SLC24A2: variants seen among roughly 807,000 people sequenced by gnomAD.
The protein encoded by SLC24A2 is solute carrier family 24 member 2, also known as sodium/potassium/calcium exchanger 2.
A neutral mutation model predicts 62.0 loss-of-function variants in SLC24A2; 36 were observed. That is an observed-to-expected ratio of 0.58 (90% CI 0.44 to 0.77). SLC24A2 has a LOEUF of 0.77. SLC24A2 is among the 30% of genes least tolerant of loss of function. The pLI, the probability that SLC24A2 is intolerant of heterozygous loss-of-function variation, is 0.00. For missense variants in SLC24A2, 846 were observed against 817.9 expected (o/e 1.03, Z -0.42); for synonymous variants, 358 against 294.0 (o/e 1.22, Z -2.23).
Position 19,764,498 on chromosome 9 carries a change from T to C in SLC24A2, c.930+21439A>G, listed in dbSNP as rs972071138. Among the ~76,000 whole-genome samples the C allele has an allele frequency of 5.3e-5, 8 of 152,266 alleles. No individual in the cohort carries two copies. In the East Asian group the frequency reaches 1.5e-3, roughly 29 times the overall value. ...CTGTGTCCCAGAGATTCTGGTACAT[T>C]GTGTCTTTGTTCTCATTGGTTTCAA... On this transcript the variant is annotated intron_variant, in intron 2 of 10. Coordinates refer to ENST00000341998, the MANE Select transcript of SLC24A2 (RefSeq NM_020344.4).
chr9:20,244,137 T>C, the SLC24A2 span, among the ~76,000 whole-genome samples: 1 of 152,224 alleles, frequency 6.6e-6, no homozygotes, highest in African/African-American at 2.4e-5. Context: ...CCAAGGAGCA[T>C]CTCTGACTCT....
chr9:20,197,427 CTTTTTT>C, the SLC24A2 span, among the ~76,000 whole-genome samples: 2 of 93,160 alleles, frequency 2.1e-5, no homozygotes, highest in Non-Finnish European at 2.0e-5. Context: ...CTCTCTCTCT[CTTTTTT>C]TTTTTTTTTT....
chr9:20,242,074 C>A, the SLC24A2 span, among the ~76,000 whole-genome samples: 8 of 152,202 alleles, frequency 5.3e-5, no homozygotes, highest in African/African-American at 1.7e-4. Context: ...TATGGACTAA[C>A]GCGCCAGCAG....
At chr9:19,770,313 C>T (rs549049826) in intron 2 of SLC24A2, among the ~76,000 whole-genome samples, 39 of 151,862 alleles carry the variant, frequency 2.6e-4, no homozygotes, top group African/African-American at 5.3e-4. Context: ...TCTGGATTAA[C>T]GGAAGTTTAT....
Position 19,718,458 on chromosome 9 carries a change from ATTTTT to A in SLC24A2, c.930+67474_930+67478del, listed in dbSNP as rs58736549. Among the ~76,000 whole-genome samples, 7 of 99,780 alleles carry A rather than the reference ATTTTT, an allele frequency of 7.0e-5. No homozygotes were observed. In the East Asian group the frequency reaches 8.0e-4, roughly 11 times the overall value. The allele number at this position is 99,780 out of a possible 152,430, so 65.5% of individuals were successfully genotyped here. A position where few individuals can be genotyped will look rare whatever the true frequency, so the allele number is the denominator to read the frequency against. On this transcript the variant is annotated intron_variant, in intron 2 of 10. Coordinates refer to ENST00000341998, the MANE Select transcript of SLC24A2 (RefSeq NM_020344.4). Reference sequence around the variant, plus strand: ...CAGGTGTGCACCACCATGCCTGGCTATTTTTTTTTTTTTTTTTTTTTTTTGTAATT... The same window carrying A: ...CAGGTGTGCACCACCATGCCTGGCTATTTTTTTTTTTTTTTTTTTGTAATT...
chr9:20,126,755 C>A, the SLC24A2 span, among the ~76,000 whole-genome samples: 1 of 152,096 alleles, frequency 6.6e-6, no homozygotes, highest in African/African-American at 2.4e-5. Flanking sequence ...TATGTTCATG[C>A]ATATCCTTAA....
chr9:19,692,904 C>T (rs1450059721), intron 2 of SLC24A2, among the ~76,000 whole-genome samples: 2 of 152,104 alleles, frequency 1.3e-5, no homozygotes, highest in South Asian at 2.1e-4. Flanking sequence ...CTTTACTCAT[C>T]AGCTTCAGAT....
intron 7 of SLC24A2, among the ~76,000 whole-genome samples, chr9:19,570,992 T>C (rs1367973288): frequency 6.6e-6 from 1 of 152,204 alleles, no homozygotes; most frequent in Non-Finnish European, 1.5e-5. Flanking sequence ...ACAGCTCTGC[T>C]CAGAGAGGGG....
At chr9:19,543,975 T>C (rs950091917) in intron 8 of SLC24A2, among the ~76,000 whole-genome samples, 3 of 152,188 alleles carry the variant, frequency 2.0e-5, no homozygotes, top group Non-Finnish European at 4.4e-5. Context: ...GTTCAAGTCC[T>C]GGATATCCTT....
chr9:19,771,444 T>C (rs181687434), intron 2 of SLC24A2, among the ~76,000 whole-genome samples: 86 of 152,362 alleles, frequency 5.6e-4, no homozygotes, highest in Non-Finnish European at 1.1e-3. Context: ...ATCCACTTAA[T>C]TGGACTTAAA....
the SLC24A2 span, among the ~76,000 whole-genome samples, chr9:19,833,214 T>A: frequency 6.6e-6 from 1 of 151,674 alleles, no homozygotes; most frequent in African/African-American, 2.4e-5. Context: ...CACTGGGGAG[T>A]GCCAGACACT....
chr9:20,111,432 C>T, the SLC24A2 span, among the ~76,000 whole-genome samples: 14 of 152,306 alleles, frequency 9.2e-5, no homozygotes, highest in East Asian at 2.7e-3. Context: ...ACTGCACCGT[C>T]TCTTATTGCT....
At chr9:20,165,506 T>C in the SLC24A2 span, among the ~76,000 whole-genome samples, 3 of 151,828 alleles carry the variant, frequency 2.0e-5, no homozygotes, top group Non-Finnish European at 4.4e-5. Context: ...AATGTGGATA[T>C]TTAGTATGTA....
the SLC24A2 span, among the ~76,000 whole-genome samples, chr9:19,910,050 G>C: frequency 6.6e-6 from 1 of 152,084 alleles, no homozygotes; most frequent in African/African-American, 2.4e-5. Context: ...AGAGTATTGT[G>C]AGCAAATAAT....
chr9:20,305,447 AC>A, the SLC24A2 span, among the ~76,000 whole-genome samples: 2 of 151,722 alleles, frequency 1.3e-5, no homozygotes, highest in East Asian at 1.9e-4. Context: ...AGTGTAGATG[AC>A]TACCTATCTG....
At chr9:19,563,364 G>A (rs1165922354) in intron 7 of SLC24A2, among the ~76,000 whole-genome samples, 5 of 151,368 alleles carry the variant, frequency 3.3e-5, no homozygotes, top group African/African-American at 1.2e-4. Flanking sequence ...TTTGAAAATG[G>A]TGGACCTGAC....
chr9:19,807,138 A>T, the SLC24A2 span, among the ~76,000 whole-genome samples: 2 of 152,228 alleles, frequency 1.3e-5, no homozygotes, highest in African/African-American at 4.8e-5. Context: ...CTTCATTTGA[A>T]TTCTGTCCTT....
the SLC24A2 span, among the ~76,000 whole-genome samples, chr9:20,268,033 G>A: frequency 9.2e-5 from 14 of 152,062 alleles, no homozygotes; most frequent in South Asian, 4.1e-4. Context: ...CCACAGCCAC[G>A]TTATCTGCTA....
chr9:19,788,888 G>A lies in SLC24A2; in HGVS notation c.-157C>T, dbSNP rs1823259905. 1.0e-6 allele frequency: 1 copy of A among 985,300 alleles called. No individual in the cohort carries two copies. Among genetic ancestry groups the A allele is most frequent in the African/African-American group, 1.7e-5 (1 of 57,252 alleles). The allele number at this position is 985,300 out of a possible 1,614,324, so 61.0% of individuals were successfully genotyped here. ...GGGCGCAGCCGCCCGCACTTACCAG[G>A]ATAAGATGGGAGGACGCGCACACGG... is the stretch of plus-strand genomic sequence containing the variant. On this transcript the variant is annotated 5_prime_UTR_variant, in exon 1 of 11. Coordinates refer to ENST00000341998, the MANE Select transcript of SLC24A2 (RefSeq NM_020344.4).
Sources: allele counts gnomAD v4.1 joint callset (sites outside exome capture counted in the v4.1 genomes callset), GRCh38; gene constraint gnomAD v4.1.1; transcripts MANE v1.5; gene names NCBI Gene and HGNC (gene_info 2026-07-23, HGNC 2026-07-21).